Variants in BTD observed in about 807,000 individuals in gnomAD.
BTD encodes the protein biotinidase.
Under a neutral mutation model 17.7 loss-of-function variants are expected in BTD, and 13 were observed. The ratio of observed to expected loss-of-function variants is 0.74; its 90% CI spans 0.48 to 1.17. The LOEUF is 1.17. Ranked by LOEUF, BTD falls within the 50% of genes most tolerant of loss-of-function variation. BTD has a pLI of 0.00. For synonymous variants in BTD, 240 were observed against 245.2 expected (o/e 0.98, Z 0.20); for missense variants, 674 against 650.4 (o/e 1.04, Z -0.39).
In BTD at chr3:15,695,266, A is replaced by G. The variant is rs372742285; in HGVS notation, c.400-14794A>G. On this transcript the variant is annotated intron_variant, in intron 3 of 3. Transcript: ENST00000672141. ...TTTAGCTTGGGAAGTATTCATCTAT[A>G]TTAAGTCTCAACTTATATAGAGCTT... The G allele has an allele frequency of 2.4e-5, 32 of 1,341,066 alleles. No homozygotes were observed. In the African/African-American group the frequency reaches 4.0e-4, roughly 17 times the overall value. 83.1% of individuals were successfully genotyped at this position (1,341,066 alleles called of 1,614,324 possible). A position where few individuals can be genotyped will look rare whatever the true frequency, so the allele number is the denominator to read the frequency against.
At chr3:15,673,771 T>A (rs1252516548) in intron 3 of BTD, among the ~76,000 whole-genome samples, 1 of 152,140 alleles carries the variant, frequency 6.6e-6, no homozygotes, top group Non-Finnish European at 1.5e-5. Context: ...AAGATCACAA[T>A]GCATGTATAA....
At chr3:15,663,578 T>C (rs1219178919) in intron 3 of BTD, among the ~76,000 whole-genome samples, 1 of 152,212 alleles carries the variant, frequency 6.6e-6, no homozygotes, top group East Asian at 1.9e-4. Flanking sequence ...TTAAGATCCA[T>C]CCAGGTTATC....
At chr3:15,617,406 A>G (rs151001015) in intron 1 of BTD, among the ~76,000 whole-genome samples, 278 of 152,304 alleles carry the variant, frequency 1.8e-3, no homozygotes, top group Non-Finnish European at 2.6e-3. Context: ...ATAGTTTTGT[A>G]CTTTATATTT....
At position 15,635,615 on chromosome 3, in the gene BTD, G is replaced by A. The variant is rs397514343; in HGVS notation, c.176G>A (p.Arg59His). ...LSLNPLALIS[R>H]QEALELMNQN... is the part of the protein sequence containing the mutation. ...CTGAACCCTCTGGCTCTCATCAGCCGCCAAGAGGCCTTGGAGCTCATGAAC... is the reference window on the plus strand; with the variant it reads ...CTGAACCCTCTGGCTCTCATCAGCCACCAAGAGGCCTTGGAGCTCATGAAC... Residue 59 changes from arginine to histidine, a missense_variant, in exon 2 of 4, where the codon CGC becomes CAC. Coordinates refer to ENST00000643237, the MANE Select transcript of BTD (RefSeq NM_001370658.1). The surrounding 1 kb of genome is among the most constrained non-coding windows in gnomAD (Gnocchi z 4.1). 1.1e-5 allele frequency: 18 copies of A among 1,614,092 alleles called. No individual in the cohort carries two copies. Among genetic ancestry groups the A allele is most frequent in the South Asian group, 4.4e-5 (4 of 91,086 alleles).
intron 3 of BTD, chr3:15,675,773 CTCT>C: frequency 1.3e-6 from 1 of 757,090 alleles, no homozygotes; most frequent in Non-Finnish European, 2.0e-6. Context: ...CCACAAACTA[CTCT>C]TCAATATTAA....
At chr3:15,602,340 T>G in intron 1 of BTD, 1 of 1,038,336 alleles carries the variant, frequency 9.6e-7, no homozygotes, top group Non-Finnish European at 1.2e-6. Flanking sequence ...TCTCCAGCCC[T>G]TGCTACTAAT....
At chr3:15,602,292 T>C (rs2064286663) in intron 1 of BTD, 1 of 1,175,540 alleles carries the variant, frequency 8.5e-7, no homozygotes, top group Non-Finnish European at 1.1e-6. Context: ...TCACAAGCGA[T>C]GAAAAGAGCA....
At chr3:15,609,615 G>T (rs1470703308) in intron 1 of BTD, among the ~76,000 whole-genome samples, 1 of 152,102 alleles carries the variant, frequency 6.6e-6, no homozygotes, top group Admixed American at 6.5e-5. Flanking sequence ...TTTTAAATGT[G>T]AAATGGCTTC....
chr3:15,622,616 A>G (rs2064978872), intron 1 of BTD, among the ~76,000 whole-genome samples: 1 of 152,194 alleles, frequency 6.6e-6, no homozygotes, highest in African/African-American at 2.4e-5. Context: ...GATTTTCTGC[A>G]TTCTGGATTT....
chr3:15,660,502 T>C (rs981792370), intron 3 of BTD, among the ~76,000 whole-genome samples: 1 of 152,226 alleles, frequency 6.6e-6, no homozygotes, highest in African/African-American at 2.4e-5. Flanking sequence ...ATATCCAATG[T>C]CTTACAATTG....
chr3:15,676,052 C>A (rs754972889), intron 3 of BTD: 49 of 1,356,652 alleles, frequency 3.6e-5, no homozygotes, highest in Middle Eastern at 1.9e-4. Context: ...CACATACACA[C>A]CTGGCTGTCA....
At chr3:15,664,284 C>A (rs1324402649) in intron 3 of BTD, among the ~76,000 whole-genome samples, 3 of 152,204 alleles carry the variant, frequency 2.0e-5, no homozygotes, top group Non-Finnish European at 4.4e-5. Context: ...GTTTTTGCCT[C>A]ACATACTTTG....
chr3:15,643,040 AAAAAT>A (rs1286583631), intron 3 of BTD, among the ~76,000 whole-genome samples: 4 of 130,110 alleles, frequency 3.1e-5, no homozygotes, highest in African/African-American at 1.3e-4. Context: ...AAAAAAAAAA[AAAAAT>A]AAAATAAAAT....
chr3:15,613,927 T>G (rs927622564), intron 1 of BTD, among the ~76,000 whole-genome samples: 1 of 152,066 alleles, frequency 6.6e-6, no homozygotes, highest in African/African-American at 2.4e-5. Context: ...CTCTCTTCCC[T>G]CTGGTTGCGT....
rs181198019 is a variant in BTD at position 15,602,232 on chromosome 3, C to T, written c.-17+338C>T. ...ACGCTCAGAGTCAGTAGATCCAGAC[C>T]GTGCCTGAGATCCTGAATCCTGTTT... On this transcript the variant is annotated intron_variant, in intron 1 of 3. Coordinates refer to ENST00000643237, the MANE Select transcript of BTD (RefSeq NM_001370658.1). 5.6e-5 allele frequency: 73 copies of T among 1,313,854 alleles called. 1 individual carries two copies. In the Admixed American group the frequency reaches 7.1e-4, roughly 13 times the overall value. The allele number at this position is 1,313,854 out of a possible 1,614,324, so 81.4% of individuals were successfully genotyped here.
chr3:15,713,485 T>C, downstream of BTD: 1 of 1,493,026 alleles, frequency 6.7e-7, no homozygotes, highest in Non-Finnish European at 9.2e-7. Context: ...CTTCCCTTTG[T>C]GCTTGCCTGT....
chr3:15,708,729 A>C (rs2071813081), intron 3 of BTD, among the ~76,000 whole-genome samples: 1 of 152,194 alleles, frequency 6.6e-6, no homozygotes, highest in Admixed American at 6.5e-5. Flanking sequence ...AAGTAGGCTT[A>C]TGAGAGCAAT....
At position 15,696,489 on chromosome 3, in the gene BTD, C is replaced by CT. The variant is rs1050644306; in HGVS notation, c.400-13562dup. 4.6e-5 allele frequency among the ~76,000 whole-genome samples: 7 copies of CT among 151,292 alleles called. No individual in the cohort carries two copies. The East Asian group carries it at 5.8e-4, about 13-fold the overall frequency. Reference sequence around the variant, plus strand: ...GATACCTCAAAAGTCTGTCAGACAGCTTTTTTTTTCATATGTGAAGGCTAT... The same window carrying CT: ...GATACCTCAAAAGTCTGTCAGACAGCTTTTTTTTTTCATATGTGAAGGCTAT... On this transcript the variant is annotated intron_variant, in intron 3 of 3. Coordinates refer to the BTD transcript ENST00000672141.
At chr3:15,686,219 T>C (rs2068110332) in intron 3 of BTD, 2 of 1,590,510 alleles carry the variant, frequency 1.3e-6, no homozygotes, top group Non-Finnish European at 1.7e-6. Flanking sequence ...TATCGAAACT[T>C]ACTGTCCATT....
Sources: allele counts gnomAD v4.1 joint callset (sites outside exome capture counted in the v4.1 genomes callset), GRCh38; gene constraint gnomAD v4.1.1; non-coding constraint Gnocchi (gnomAD v3.1); transcripts MANE v1.5; gene names NCBI Gene and HGNC (gene_info 2026-07-23, HGNC 2026-07-21).